Variants in SLC25A26 observed in about 807,000 individuals in gnomAD.
The protein encoded by SLC25A26 is solute carrier family 25 member 26.
Under a neutral mutation model 37.8 loss-of-function variants are expected in SLC25A26, and 36 were observed. The ratio of observed to expected loss-of-function variants is 0.95; its 90% confidence interval spans 0.73 to 1.26. The LOEUF (loss-of-function observed/expected upper bound fraction) is 1.26. Among genes scored for constraint, SLC25A26 ranks in the 50% most tolerant of loss-of-function variants. SLC25A26 has a pLI of 0.00. For missense variants in SLC25A26, 390 were observed against 331.1 expected (o/e 1.18, Z -1.38); for synonymous variants, 129 against 122.5 (o/e 1.05, Z -0.35).
At chr3:66,330,369 A>G (rs2075943689) in intron 5 of SLC25A26, among the ~76,000 whole-genome samples, 1 of 152,208 alleles carries the variant, frequency 6.6e-6, no homozygotes, top group Non-Finnish European at 1.5e-5. Context: ...ATGTGACAAC[A>G]GGTCAGCCAG....
At chr3:66,213,245 C>T (rs2071310295) in intron 1 of SLC25A26, among the ~76,000 whole-genome samples, 1 of 151,730 alleles carries the variant, frequency 6.6e-6, no homozygotes, top group East Asian at 1.9e-4. Context: ...ACTAAAAATA[C>T]AAAAATTAGC....
chr3:66,318,348 CTG>C (rs2075597997), intron 5 of SLC25A26, among the ~76,000 whole-genome samples: 1 of 152,182 alleles, frequency 6.6e-6, no homozygotes, highest in Non-Finnish European at 1.5e-5. Context: ...TTGCAAGAAT[CTG>C]TGGGAAAAGC....
intron 5 of SLC25A26, among the ~76,000 whole-genome samples, chr3:66,315,080 A>ATTTT (rs58312800): frequency 8.4e-6 from 1 of 119,314 alleles, no homozygotes; most frequent in African/African-American, 3.1e-5. Flanking sequence ...GGATTCTTTG[A>ATTTT]TTTTTTTTTT....
At chr3:66,374,555 G>C (rs12488247) in intron 9 of SLC25A26, among the ~76,000 whole-genome samples, 57,435 of 152,064 alleles carry the variant, frequency 0.38, 12,285 homozygotes, top group African/African-American at 0.59. Context: ...TCTAAGTGTT[G>C]AAGTGAAAGG....
At chr3:66,364,626 G>T (rs750224814) in intron 7 of SLC25A26, among the ~76,000 whole-genome samples, 10 of 152,172 alleles carry the variant, frequency 6.6e-5, no homozygotes, top group Non-Finnish European at 1.3e-4. Context: ...CAGGGCTTGA[G>T]ATAATGTATG....
At chr3:66,373,211 G>T (rs547095436) in intron 9 of SLC25A26, among the ~76,000 whole-genome samples, 33 of 152,252 alleles carry the variant, frequency 2.2e-4, no homozygotes, top group African/African-American at 7.7e-4. Flanking sequence ...ACTGCCGCGA[G>T]CATCCCTTTC....
intron 1 of SLC25A26, among the ~76,000 whole-genome samples, chr3:66,194,697 G>A (rs2071011966): frequency 1.3e-5 from 2 of 152,158 alleles, no homozygotes; most frequent in African/African-American, 4.8e-5. Flanking sequence ...CTCCGCGCCC[G>A]TTCAAGTGAT....
rs147172371 is a variant in SLC25A26, at chr3:66,293,833, G to A, written c.453+30454G>A. 4.9e-3 allele frequency among the ~76,000 whole-genome samples: 740 copies of A among 152,220 alleles called. 11 individuals carry two copies. The highest frequency in any genetic ancestry group is 0.013 in the African/African-American group (541 of 41,518). ...TTCCATGTCTTTGCTGTTGTGAATA[G>A]TGCTGCAGTGAACATACGTGTGCAT... On this transcript the variant is annotated intron_variant, in intron 5 of 9. Coordinates refer to ENST00000354883, the MANE Select transcript of SLC25A26 (RefSeq NM_001379210.1).
In SLC25A26 at chr3:66,378,363, AC is replaced by A. The variant is rs1280620301; in HGVS notation, c.*559del. On this transcript the variant is annotated 3_prime_UTR_variant, in exon 10 of 10. Transcript: ENST00000354883. ...GGTAACTAGGCTGCTGGTTTTAATT[AC>A]CCTCAGATTTCACCCATAAAAACGC... 6.5e-6 allele frequency: 1 copy of A among 152,732 alleles called. No homozygotes were observed. The highest frequency in any genetic ancestry group is 1.5e-5 in the Non-Finnish European group (1 of 68,144). The allele number at this position is 152,732 out of a possible 1,614,324, so 9.5% of individuals were successfully genotyped here. A position where few individuals can be genotyped will look rare whatever the true frequency, so the allele number is the denominator to read the frequency against.
chr3:66,159,187 G>C (rs755950316), intron 1 of SLC25A26, among the ~76,000 whole-genome samples: 15 of 152,188 alleles, frequency 9.9e-5, no homozygotes, highest in Non-Finnish European at 2.1e-4. Flanking sequence ...TGACCCACAG[G>C]CCGGCAAACA....
At chr3:66,357,173 G>A (rs1204726853) in intron 6 of SLC25A26, among the ~76,000 whole-genome samples, 1 of 152,108 alleles carries the variant, frequency 6.6e-6, no homozygotes, top group Admixed American at 6.5e-5. Context: ...CAGCTACTTG[G>A]GAGGCTGGGG....
chr3:66,301,307 A>C (rs2075069326), intron 5 of SLC25A26, among the ~76,000 whole-genome samples: 1 of 152,216 alleles, frequency 6.6e-6, no homozygotes, highest in African/African-American at 2.4e-5. Flanking sequence ...GTTGTTACAG[A>C]TTTTTATACA....
At chr3:66,288,152 C>G (rs2074576996) in intron 5 of SLC25A26, among the ~76,000 whole-genome samples, 1 of 152,088 alleles carries the variant, frequency 6.6e-6, no homozygotes, top group Non-Finnish European at 1.5e-5. Context: ...TAGTTGAACA[C>G]TCAGTAATTG....
chr3:66,140,191 G>A (rs777364312), intron 1 of SLC25A26, among the ~76,000 whole-genome samples: 31 of 152,258 alleles, frequency 2.0e-4, no homozygotes, highest in Admixed American at 3.3e-4. Flanking sequence ...CAAGTACAAT[G>A]GAAAGAGGTT....
chr3:66,153,332 T>C (rs1326816299), intron 1 of SLC25A26, among the ~76,000 whole-genome samples: 1 of 152,220 alleles, frequency 6.6e-6, no homozygotes, highest in African/African-American at 2.4e-5. Flanking sequence ...GAACCAGTTA[T>C]TTATGTGCAA....
intron 5 of SLC25A26, among the ~76,000 whole-genome samples, chr3:66,307,532 C>T (rs1456649725): frequency 6.6e-6 from 1 of 152,202 alleles, no homozygotes; most frequent in Non-Finnish European, 1.5e-5. Context: ...TCAATTTTGG[C>T]TGTTGTTGCC....
intron 5 of SLC25A26, among the ~76,000 whole-genome samples, chr3:66,341,347 A>G (rs1290183825): frequency 6.6e-6 from 1 of 152,158 alleles, no homozygotes; most frequent in Non-Finnish European, 1.5e-5. Flanking sequence ...AGGGCTTTAG[A>G]AGTATAGTGA....
intron 1 of SLC25A26, among the ~76,000 whole-genome samples, chr3:66,156,154 G>A (rs1397340077): frequency 6.6e-6 from 1 of 152,136 alleles, no homozygotes; most frequent in African/African-American, 2.4e-5. Context: ...AGACTGAGAG[G>A]TGATCATTGG....
At chr3:66,375,915 C>T (rs935405540) in intron 9 of SLC25A26, among the ~76,000 whole-genome samples, 1 of 151,542 alleles carries the variant, frequency 6.6e-6, no homozygotes, top group African/African-American at 2.4e-5. Flanking sequence ...AAATTGGAAG[C>T]CTTCTAGAAA....
Sources: gnomAD v4.1 joint callset for allele counts (sites outside exome capture counted in the v4.1 genomes callset) on GRCh38, gnomAD v4.1.1 for gene constraint, MANE v1.5 for transcripts, NCBI Gene and HGNC (gene_info 2026-07-23, HGNC 2026-07-21) for gene names.